TENM3: variants seen among roughly 807,000 people sequenced by gnomAD.
TENM3 encodes the protein teneurin-3.
TENM3 carries 63 observed loss-of-function variants against 255.1 expected under a neutral mutation model. The observed-to-expected ratio is 0.25, with a 90% confidence interval of 0.20 to 0.30. TENM3 has a LOEUF of 0.30. Among genes scored for constraint, TENM3 ranks in the 10% least tolerant of loss-of-function variants. TENM3 has a pLI of 1.00. For synonymous variants in TENM3, 1,306 were observed against 1,322.3 expected (o/e 0.99, Z 0.27); for missense variants, 2,929 against 3,461.1 (o/e 0.85, Z 3.86).
chr4:181,896,926 T>C, the TENM3 span, among the ~76,000 whole-genome samples: 2 of 152,200 alleles, frequency 1.3e-5, no homozygotes, highest in African/African-American at 4.8e-5. Flanking sequence ...CCCCAAGATA[T>C]GTCTCCACAC....
intron 1 of TENM3, among the ~76,000 whole-genome samples, chr4:182,147,038 C>T (rs1750017741): frequency 6.6e-6 from 1 of 152,092 alleles, no homozygotes; most frequent in Admixed American, 6.5e-5. Flanking sequence ...TAGAAAAAAG[C>T]TCCTAAAGAG....
the TENM3 span, among the ~76,000 whole-genome samples, chr4:182,045,395 TAA>T: frequency 0.016 from 2,219 of 139,368 alleles, 58 homozygotes; most frequent in African/African-American, 0.053. Flanking sequence ...TAGCCTCAAT[TAA>T]AAAAAAAAAA....
the TENM3 span, among the ~76,000 whole-genome samples, chr4:181,942,651 A>G: frequency 1.3e-5 from 2 of 152,208 alleles, no homozygotes; most frequent in African/African-American, 2.4e-5. Context: ...CAAAGGAAAA[A>G]CACTACCCCG....
chr4:182,780,089 G>A (rs1229552428), intron 24 of TENM3, among the ~76,000 whole-genome samples: 1 of 151,936 alleles, frequency 6.6e-6, no homozygotes, highest in Admixed American at 6.6e-5. Context: ...TTTGGCTTTT[G>A]TTGCCATTGC....
At chr4:181,935,083 A>C in the TENM3 span, among the ~76,000 whole-genome samples, 1 of 152,254 alleles carries the variant, frequency 6.6e-6, no homozygotes, top group South Asian at 2.1e-4. Context: ...GGAAACTCAC[A>C]GTCATTTTAT....
At chr4:181,840,851 CAT>C in the TENM3 span, among the ~76,000 whole-genome samples, 1 of 152,138 alleles carries the variant, frequency 6.6e-6, no homozygotes, top group Non-Finnish European at 1.5e-5. Flanking sequence ...AAAGCAAAAT[CAT>C]AACTTAATGT....
chr4:181,491,028 A>C, the TENM3 span, among the ~76,000 whole-genome samples: 1 of 152,154 alleles, frequency 6.6e-6, no homozygotes, highest in Non-Finnish European at 1.5e-5. Flanking sequence ...AATATCTTGC[A>C]AACTAATTTT....
intron 3 of TENM3, among the ~76,000 whole-genome samples, chr4:182,591,301 C>T (rs1746623592): frequency 6.6e-6 from 1 of 152,126 alleles, no homozygotes; most frequent in Admixed American, 6.5e-5. Context: ...ATTATTTCTT[C>T]TAATCCTCAA....
rs561324393 is a variant in TENM3 at position 182,507,752 on chromosome 4, A to G, written c.512-93172A>G. Among the ~76,000 whole-genome samples the G allele has an allele frequency of 6.6e-5, 10 of 152,316 alleles. 1 individual carries two copies. In the South Asian group the frequency reaches 2.1e-3, roughly 32 times the overall value. Reference sequence around the variant, plus strand: ...TTTGAAATACAGGGCTTCCAAACACATTTCTTCAAATGTCTTCTATATAGT... The same window carrying G: ...TTTGAAATACAGGGCTTCCAAACACGTTTCTTCAAATGTCTTCTATATAGT... On this transcript the variant is annotated intron_variant, in intron 3 of 27. Transcript: ENST00000511685.
the TENM3 span, among the ~76,000 whole-genome samples, chr4:181,612,835 G>A: frequency 6.6e-6 from 1 of 152,066 alleles, no homozygotes; most frequent in Non-Finnish European, 1.5e-5. Flanking sequence ...ATTATGTGAT[G>A]AGAAAAACAT....
intron 3 of TENM3, among the ~76,000 whole-genome samples, chr4:182,590,370 A>G (rs769304750): frequency 6.6e-6 from 1 of 150,834 alleles, no homozygotes; most frequent in Non-Finnish European, 1.5e-5. Flanking sequence ...GGGCATGTTG[A>G]TTCACGCCTG....
chr4:182,758,520 G>A (rs72703965), intron 22 of TENM3, among the ~76,000 whole-genome samples: 106 of 152,266 alleles, frequency 7.0e-4, no homozygotes, highest in Non-Finnish European at 9.7e-4. Flanking sequence ...CTGGGTGTGC[G>A]GCGGGATGTG....
chr4:182,117,486 G>A, the TENM3 span, among the ~76,000 whole-genome samples: 1 of 152,158 alleles, frequency 6.6e-6, no homozygotes. Context: ...TGAACATTGT[G>A]AGGTGTGTGT....
In TENM3 at chr4:182,166,639, C is replaced by A. The variant is rs183421944; in HGVS notation, c.-76+21885C>A. 1.1e-3 allele frequency among the ~76,000 whole-genome samples: 172 copies of A among 152,040 alleles called. 1 individual carries two copies. The highest frequency in any genetic ancestry group is 2.9e-4 in the Non-Finnish European group (20 of 67,956). ...TATTTCTTTTCTTCTCTTTTCTTTT[C>A]TTTTTCTTTTGTGACAGAGTCTTGC... is the stretch of plus-strand genomic sequence containing the variant. On this transcript the variant is annotated intron_variant, in intron 1 of 2. Transcript: ENST00000512480.
chr4:181,475,716 A>G, the TENM3 span, among the ~76,000 whole-genome samples: 2 of 152,226 alleles, frequency 1.3e-5, no homozygotes, highest in Admixed American at 1.3e-4. Context: ...AATTGGGGAG[A>G]AATATTTGAT....
chr4:182,746,060 G>A (rs147289033), intron 19 of TENM3, among the ~76,000 whole-genome samples: 17 of 152,228 alleles, frequency 1.1e-4, no homozygotes, highest in Non-Finnish European at 1.5e-4. Flanking sequence ...ATCAATCAGC[G>A]TTAACTGATC....
At chr4:181,725,483 C>G in the TENM3 span, among the ~76,000 whole-genome samples, 1 of 142,866 alleles carries the variant, frequency 7.0e-6, no homozygotes, top group Non-Finnish European at 1.5e-5. Context: ...TAGACGGAGT[C>G]TCACTCTGTC....
At chr4:182,769,925 T>G (rs976457804) in intron 22 of TENM3, among the ~76,000 whole-genome samples, 4 of 151,298 alleles carry the variant, frequency 2.6e-5, no homozygotes, top group African/African-American at 9.7e-5. Flanking sequence ...ACCAATATGG[T>G]GAAATCCCGT....
At chr4:182,644,767 A>T (rs1367474313) in intron 5 of TENM3, among the ~76,000 whole-genome samples, 6 of 152,298 alleles carry the variant, frequency 3.9e-5, no homozygotes, top group Admixed American at 1.3e-4. Flanking sequence ...CATAAGAAAG[A>T]TTTAATTTTT....
Sources: allele counts gnomAD v4.1 joint callset (sites outside exome capture counted in the v4.1 genomes callset), GRCh38; gene constraint gnomAD v4.1.1; transcripts MANE v1.5; gene names NCBI Gene and HGNC (gene_info 2026-07-23, HGNC 2026-07-21).